GRID2: variants seen among roughly 807,000 people sequenced by gnomAD.
The protein encoded by GRID2 is glutamate receptor ionotropic, delta-2.
GRID2 carries 33 observed loss-of-function variants against 114.8 expected under a neutral mutation model. The observed-to-expected ratio is 0.29, with a 90% CI of 0.22 to 0.38. The LOEUF (loss-of-function observed/expected upper bound fraction) is 0.38, where lower values mean the gene tolerates loss of function less well. GRID2 is among the 10% of genes least tolerant of loss of function. The pLI is 1.00. For synonymous variants in GRID2, 505 were observed against 449.9 expected (o/e 1.12, Z -1.55); for missense variants, 1,184 against 1,257.7 (o/e 0.94, Z 0.89).
Position 92,952,188 on chromosome 4 carries a change from T to C in GRID2, c.245-132807T>C, listed in dbSNP as rs200565583. Among the ~76,000 whole-genome samples, 7 of 152,336 alleles carry C rather than the reference T, an allele frequency of 4.6e-5. No individual in the cohort carries two copies. The East Asian group carries it at 1.4e-3, about 29-fold the overall frequency. ...TATTTGAGAGCACCTGATTTCTACA[T>C]ACTCATTAAGTGCCCTAACAAATTT... On this transcript the variant is annotated intron_variant, in intron 2 of 15. Coordinates refer to ENST00000282020, the MANE Select transcript of GRID2 (RefSeq NM_001510.4).
chr4:93,701,926 T>G (rs181570885), intron 14 of GRID2, among the ~76,000 whole-genome samples: 6 of 152,098 alleles, frequency 3.9e-5, no homozygotes, highest in African/African-American at 1.2e-4. Flanking sequence ...GATAATATAA[T>G]CAGTAATTAT....
At chr4:93,454,198 T>C (rs1580131074) in intron 10 of GRID2, among the ~76,000 whole-genome samples, 1 of 152,210 alleles carries the variant, frequency 6.6e-6, no homozygotes, top group East Asian at 1.9e-4. Flanking sequence ...GGTCTTGTTA[T>C]AATGTAAATA....
chr4:93,222,806 T>C (rs925437474), intron 6 of GRID2, among the ~76,000 whole-genome samples: 1 of 152,174 alleles, frequency 6.6e-6, no homozygotes, highest in African/African-American at 2.4e-5. Context: ...CATCATTTTT[T>C]ATGGCTACAT....
intron 2 of GRID2, among the ~76,000 whole-genome samples, chr4:92,860,232 G>T (rs1744441583): frequency 6.6e-6 from 1 of 152,084 alleles, no homozygotes; most frequent in Admixed American, 6.6e-5. Context: ...TAGAACGTAA[G>T]AGGTGACAAA....
At chr4:93,756,439 G>A (rs1233836790) in intron 14 of GRID2, among the ~76,000 whole-genome samples, 4 of 152,164 alleles carry the variant, frequency 2.6e-5, no homozygotes, top group Admixed American at 2.6e-4. Flanking sequence ...CAGTTCTTGA[G>A]GCTAGAGGAC....
intron 2 of GRID2, among the ~76,000 whole-genome samples, chr4:92,708,788 T>A (rs1294013061): frequency 6.6e-6 from 1 of 152,096 alleles, no homozygotes; most frequent in East Asian, 1.9e-4. Context: ...TAGCCAGGCA[T>A]GGTGGTGCAT....
At chr4:93,207,059 G>A (rs1018858093) in intron 4 of GRID2, among the ~76,000 whole-genome samples, 10 of 151,950 alleles carry the variant, frequency 6.6e-5, no homozygotes, top group Non-Finnish European at 1.3e-4. Context: ...AGTTTATTTC[G>A]AGTAGGGAAT....
chr4:92,794,512 C>G (rs528943259), intron 2 of GRID2, among the ~76,000 whole-genome samples: 1 of 151,796 alleles, frequency 6.6e-6, no homozygotes, highest in Admixed American at 6.6e-5. Context: ...CATGGTTTCT[C>G]ACTTAAAATC....
rs1727988057 is a variant in GRID2 at position 92,578,089 on chromosome 4, CTTCTT to C, written c.89-12041_89-12037del. Among the ~76,000 whole-genome samples, 121 of 54,112 alleles carry C rather than the reference CTTCTT, an allele frequency of 2.2e-3. 1 individual carries two copies. The highest frequency in any genetic ancestry group is 0.011 in the Admixed American group (59 of 5,438). 35.5% of individuals were successfully genotyped at this position (54,112 alleles called of 152,430 possible). ...TCTTCTTCTTCTTCTTCTTCTTCTTCTTCTTCTTCTTCTTCTTCTTCTTCTTTTTC... is the reference window on the plus strand; with the variant it reads ...TCTTCTTCTTCTTCTTCTTCTTCTTCCTTCTTCTTCTTCTTCTTCTTTTTC... On this transcript the variant is annotated intron_variant, in intron 1 of 15. Coordinates refer to ENST00000282020, the MANE Select transcript of GRID2 (RefSeq NM_001510.4).
intron 13 of GRID2, among the ~76,000 whole-genome samples, chr4:93,526,644 T>C (rs1167316931): frequency 6.6e-6 from 1 of 152,130 alleles, no homozygotes; most frequent in Non-Finnish European, 1.5e-5. Context: ...ACCCCGTCTC[T>C]ATTAAAAATA....
chr4:93,358,500 T>C (rs912147937), intron 8 of GRID2, among the ~76,000 whole-genome samples: 2 of 151,872 alleles, frequency 1.3e-5, no homozygotes, highest in African/African-American at 4.8e-5. Flanking sequence ...GTAAATGAAA[T>C]AACTGTAAAT....
At chr4:93,321,074 C>T (rs577146777) in intron 8 of GRID2, among the ~76,000 whole-genome samples, 2 of 152,192 alleles carry the variant, frequency 1.3e-5, no homozygotes, top group South Asian at 4.1e-4. Flanking sequence ...TATATTCCTA[C>T]TGTGATCTAT....
intron 8 of GRID2, among the ~76,000 whole-genome samples, chr4:93,289,807 T>G (rs1753548582): frequency 6.6e-6 from 1 of 152,164 alleles, no homozygotes; most frequent in African/African-American, 2.4e-5. Context: ...TATTTGTGGG[T>G]ACGTACATAT....
chr4:93,611,229 C>A (rs1304372924), intron 13 of GRID2, among the ~76,000 whole-genome samples: 1 of 101,192 alleles, frequency 9.9e-6, no homozygotes, highest in South Asian at 3.6e-4. Context: ...GTCTTGCTAG[C>A]GGTCTATCAA....
At position 93,588,579 on chromosome 4, in the gene GRID2, T is replaced by C. The variant is rs753074343; in HGVS notation, c.2194-37690T>C. The stretch of plus-strand genomic sequence containing the variant: ...AGTATTATTGTCTATGTTTTTCTGT[T>C]GCCATCAGCTAATGCTCTCATTCTG... On this transcript the variant is annotated intron_variant, in intron 13 of 15. Coordinates refer to ENST00000282020, the MANE Select transcript of GRID2 (RefSeq NM_001510.4). 7.9e-5 allele frequency among the ~76,000 whole-genome samples: 12 copies of C among 152,142 alleles called. 1 individual carries two copies. The highest frequency in any genetic ancestry group is 2.6e-4 in the Admixed American group (4 of 15,266).
At chr4:92,458,072 A>G (rs2149084936) in intron 1 of GRID2, among the ~76,000 whole-genome samples, 1 of 152,332 alleles carries the variant, frequency 6.6e-6, no homozygotes, top group East Asian at 1.9e-4. Flanking sequence ...TTTCAACACA[A>G]CTGATACGTT....
At chr4:93,284,765 A>G (rs1213333851) in intron 8 of GRID2, among the ~76,000 whole-genome samples, 1 of 151,186 alleles carries the variant, frequency 6.6e-6, no homozygotes, top group East Asian at 1.9e-4. Flanking sequence ...TATGAAATAT[A>G]TGGATAACAA....
chr4:93,486,819 TG>T (rs905590535), intron 11 of GRID2, among the ~76,000 whole-genome samples: 20 of 151,936 alleles, frequency 1.3e-4, no homozygotes, highest in African/African-American at 3.9e-4. Context: ...TGTCAGGTTT[TG>T]TTATCAAAGT....
At chr4:93,452,556 A>C (rs971618303) in intron 10 of GRID2, among the ~76,000 whole-genome samples, 1 of 152,076 alleles carries the variant, frequency 6.6e-6, no homozygotes, top group Non-Finnish European at 1.5e-5. Context: ...ATAGAGAGAG[A>C]TTGATACATT....
Sources: gnomAD v4.1 joint callset for allele counts (sites outside exome capture counted in the v4.1 genomes callset) on GRCh38, gnomAD v4.1.1 for gene constraint, MANE v1.5 for transcripts, NCBI Gene and HGNC (gene_info 2026-07-23, HGNC 2026-07-21) for gene names.